Variants in QTGAL observed in about 807,000 individuals in gnomAD.
The protein encoded by QTGAL is queuosine-tRNA galactosyltransferase.
the QTGAL span, among the ~76,000 whole-genome samples, chr17:83,037,124 C>G: frequency 6.6e-6 from 1 of 152,202 alleles, no homozygotes; most frequent in Non-Finnish European, 1.5e-5. This position sits in a 1 kb window ranked among gnomAD's most constrained non-coding sequence, Gnocchi z 5.2. Context: ...ATAGATCTCT[C>G]TGGTATCCAA....
At chr17:82,957,488 G>T in the QTGAL span, 1 of 1,602,866 alleles carries the variant, frequency 6.2e-7, no homozygotes, top group Non-Finnish European at 8.5e-7. Context: ...GGGTCCAGAT[G>T]GTCGTCCTGC....
chr17:83,039,637 C>T, the QTGAL span, among the ~76,000 whole-genome samples: 5 of 151,916 alleles, frequency 3.3e-5, 1 homozygote, highest in Middle Eastern at 3.2e-3. Flanking sequence ...GCCCGCTGCC[C>T]GCCCCTGTTC....
the QTGAL span, chr17:82,947,341 CT>C: frequency 1.1e-5 from 3 of 267,338 alleles, no homozygotes; most frequent in African/African-American, 4.4e-5. Context: ...ACACCCACCC[CT>C]CTGCACAGGC....
At chr17:83,005,647 C>T in the QTGAL span, 86 of 703,566 alleles carry the variant, frequency 1.2e-4, no homozygotes, top group Middle Eastern at 3.0e-3. The surrounding 1 kb of genome is among the most constrained non-coding windows in gnomAD (Gnocchi z 5.6). Flanking sequence ...GAACCTGCTC[C>T]ATTCAGCTCA....
the QTGAL span, among the ~76,000 whole-genome samples, chr17:82,967,512 T>C: frequency 6.6e-6 from 1 of 152,046 alleles, no homozygotes; most frequent in Non-Finnish European, 1.5e-5. Flanking sequence ...CCCAGGAACA[T>C]TTGTTTGGAG....
At chr17:83,008,040 A>C in the QTGAL span, among the ~76,000 whole-genome samples, 3 of 151,356 alleles carry the variant, frequency 2.0e-5, no homozygotes, top group Non-Finnish European at 4.4e-5. Context: ...CGCGCTCTCA[A>C]GAGGAGGCGC....
chr17:83,010,541 AG>A, the QTGAL span, among the ~76,000 whole-genome samples: 2 of 152,174 alleles, frequency 1.3e-5, no homozygotes, highest in Non-Finnish European at 2.9e-5. Flanking sequence ...ATGGGCTCAC[AG>A]GGCTGGGGGC....
chr17:83,011,970 G>A, the QTGAL span, among the ~76,000 whole-genome samples: 9 of 146,622 alleles, frequency 6.1e-5, no homozygotes, highest in Admixed American at 1.4e-4. Flanking sequence ...ATCCCAGCTC[G>A]TTTGAACACA....
chr17:82,977,971 C>T, the QTGAL span, among the ~76,000 whole-genome samples: 8 of 152,286 alleles, frequency 5.3e-5, no homozygotes, highest in East Asian at 1.5e-3. Flanking sequence ...CTCCTCCTGC[C>T]CTGGGGCTTG....
the QTGAL span, among the ~76,000 whole-genome samples, chr17:83,047,347 C>T: frequency 5.9e-5 from 9 of 152,326 alleles, no homozygotes; most frequent in African/African-American, 1.2e-4. Flanking sequence ...CTAATACTAT[C>T]ACCCTGGGGG....
At chr17:82,966,938 C>T in the QTGAL span, among the ~76,000 whole-genome samples, 184 of 152,290 alleles carry the variant, frequency 1.2e-3, 2 homozygotes, top group East Asian at 0.027. Flanking sequence ...TGAGGATGTA[C>T]GTTCGGCGAA....
chr17:82,994,158 C>A, the QTGAL span, among the ~76,000 whole-genome samples: 1 of 151,890 alleles, frequency 6.6e-6, no homozygotes, highest in Middle Eastern at 3.4e-3. Context: ...AAAATCAGAG[C>A]AGAAATAAAT....
chr17:82,985,102 G>A, the QTGAL span, among the ~76,000 whole-genome samples: 2 of 152,210 alleles, frequency 1.3e-5, no homozygotes, highest in African/African-American at 4.8e-5. Context: ...CTCAGACAGG[G>A]GCGCTTTCAG....
the QTGAL span, chr17:83,035,214 T>C: frequency 4.3e-4 from 376 of 882,830 alleles, 3 homozygotes; most frequent in South Asian, 4.0e-3. Context: ...AGTTTCCCTC[T>C]TGTTGCCCAG....
the QTGAL span, among the ~76,000 whole-genome samples, chr17:83,035,685 G>A: frequency 6.6e-6 from 1 of 152,140 alleles, no homozygotes; most frequent in East Asian, 1.9e-4. Context: ...GACCTTTACT[G>A]AGTACAGCAC....
the QTGAL span, chr17:82,947,314 AC>A: frequency 1.1e-4 from 34 of 317,240 alleles, no homozygotes; most frequent in South Asian, 9.0e-4. Context: ...ACCAGGGCAG[AC>A]CCACCTTCCC....
the QTGAL span, among the ~76,000 whole-genome samples, chr17:83,017,999 G>A: frequency 0.019 from 2,153 of 110,472 alleles, 102 homozygotes; most frequent in African/African-American, 0.077. Context: ...CACGTGCTCC[G>A]TGAACACCGT....
the QTGAL span, among the ~76,000 whole-genome samples, chr17:82,958,989 TGTG>T: frequency 1.6e-5 from 1 of 63,530 alleles, no homozygotes; most frequent in East Asian, 4.3e-4. Flanking sequence ...GGGTGTATGG[TGTG>T]TGTGTGTGTA....
the QTGAL span, among the ~76,000 whole-genome samples, chr17:82,972,420 C>A: frequency 7.9e-6 from 1 of 127,378 alleles, no homozygotes; most frequent in Non-Finnish European, 1.6e-5. Flanking sequence ...CTGGTGCCGA[C>A]CACAGCACAC....
Sources: allele counts gnomAD v4.1 joint callset (sites outside exome capture counted in the v4.1 genomes callset), GRCh38; gene constraint gnomAD v4.1.1; non-coding constraint Gnocchi (gnomAD v3.1); transcripts MANE v1.5; gene names NCBI Gene and HGNC (gene_info 2026-07-23, HGNC 2026-07-21).